The following SASH1 variants were observed in gnomAD, a reference collection of about 807,000 sequenced individuals.
SASH1 encodes the protein SAM and SH3 domain-containing protein 1.
Under a neutral mutation model 125.2 loss-of-function variants are expected in SASH1, and 44 were observed. That is an observed-to-expected ratio of 0.35 (90% CI 0.28 to 0.45). The LOEUF (loss-of-function observed/expected upper bound fraction) is 0.45, where lower values mean the gene tolerates loss of function less well. Among genes scored for constraint, SASH1 ranks in the 20% least tolerant of loss-of-function variants. The probability of loss-of-function intolerance (pLI) is 1.00; values close to 1 mark genes in which losing one functional copy is unlikely to be tolerated. For synonymous variants in SASH1, 639 were observed against 649.1 expected, an observed-to-expected ratio of 0.98 and a Z score of 0.24; for missense variants, 1,426 against 1,614.5, an observed-to-expected ratio of 0.88 and a Z score of 2.00.
the SASH1 span, among the ~76,000 whole-genome samples, chr6:148,227,445 C>T: frequency 6.6e-6 from 1 of 152,154 alleles, no homozygotes; most frequent in Non-Finnish European, 1.5e-5. Flanking sequence ...GCAACCTCCG[C>T]CTCCCGAGTT....
chr6:148,321,224 T>C (rs926831479), intron 1 of SASH1, among the ~76,000 whole-genome samples: 10 of 122,754 alleles, frequency 8.1e-5, no homozygotes, highest in Middle Eastern at 5.4e-3. Context: ...AAACACCATC[T>C]CTACTAAATA....
the SASH1 span, among the ~76,000 whole-genome samples, chr6:148,216,182 C>A: frequency 6.6e-6 from 1 of 152,264 alleles, no homozygotes; most frequent in East Asian, 1.9e-4. Flanking sequence ...ACCAGCAATA[C>A]CTTCTAATAT....
chr6:148,492,910 C>T (rs1264652366), intron 8 of SASH1, among the ~76,000 whole-genome samples: 1 of 151,732 alleles, frequency 6.6e-6, no homozygotes, highest in Non-Finnish European at 1.5e-5. Context: ...ATTTGAGATG[C>T]CATATACACA....
intron 7 of SASH1, among the ~76,000 whole-genome samples, chr6:148,484,475 ACTT>A (rs1270892983): frequency 2.0e-5 from 3 of 152,150 alleles, no homozygotes; most frequent in Non-Finnish European, 4.4e-5. Context: ...TTAAACCAAA[ACTT>A]CTCGAACCAA....
intron 1 of SASH1, among the ~76,000 whole-genome samples, chr6:148,344,000 A>G (rs1781433743): frequency 6.6e-6 from 1 of 152,218 alleles, no homozygotes; most frequent in Admixed American, 6.5e-5. Flanking sequence ...ACTTTAGTTT[A>G]AAGACTTGGA....
intron 4 of SASH1, among the ~76,000 whole-genome samples, chr6:148,448,506 G>T (rs150691663): frequency 2.7e-3 from 404 of 152,102 alleles, no homozygotes; most frequent in Middle Eastern, 0.01. Flanking sequence ...ACTTTTCCCC[G>T]GGTCACACTT....
chr6:148,364,086 G>C (rs781702735), intron 1 of SASH1, among the ~76,000 whole-genome samples: 1 of 151,834 alleles, frequency 6.6e-6, no homozygotes, highest in Non-Finnish European at 1.5e-5. Flanking sequence ...CCAGCTCATC[G>C]GCAGCCCATC....
At chr6:148,201,405 C>T in the SASH1 span, among the ~76,000 whole-genome samples, 2 of 152,168 alleles carry the variant, frequency 1.3e-5, no homozygotes, top group Non-Finnish European at 2.9e-5. Flanking sequence ...GATTCTCAAG[C>T]TTGTCCCTGC....
At chr6:148,276,600 G>A (rs532714088) in intron 1 of SASH1, among the ~76,000 whole-genome samples, 14 of 152,282 alleles carry the variant, frequency 9.2e-5, no homozygotes, top group South Asian at 2.1e-4. Flanking sequence ...AAAAGGGAGC[G>A]GATGATGAGA....
intron 1 of SASH1, among the ~76,000 whole-genome samples, chr6:148,372,104 C>T (rs1782726387): frequency 6.6e-6 from 1 of 152,166 alleles, no homozygotes; most frequent in African/African-American, 2.4e-5. Flanking sequence ...ATTGCAGTTA[C>T]ATAAGGAAGC....
chr6:148,383,233 A>C (rs1783223017), intron 1 of SASH1, among the ~76,000 whole-genome samples: 1 of 152,202 alleles, frequency 6.6e-6, no homozygotes, highest in East Asian at 1.9e-4. Flanking sequence ...ATCTTTAAAC[A>C]AGCTAATTAA....
chr6:148,385,894 A>G (rs1783346831), intron 1 of SASH1, among the ~76,000 whole-genome samples: 1 of 152,178 alleles, frequency 6.6e-6, no homozygotes, highest in South Asian at 2.1e-4. Flanking sequence ...AAATGTAAGT[A>G]TAGTGTTTCC....
chr6:148,442,397 G>GA (rs1459586914), intron 4 of SASH1, among the ~76,000 whole-genome samples: 2 of 152,082 alleles, frequency 1.3e-5, no homozygotes, highest in South Asian at 4.2e-4. Flanking sequence ...CATCTCAAAA[G>GA]AAAAAAATAT....
chr6:148,421,227 G>GA (rs1215052788), intron 2 of SASH1, among the ~76,000 whole-genome samples: 1 of 151,540 alleles, frequency 6.6e-6, no homozygotes, highest in Non-Finnish European at 1.5e-5. Context: ...AAGAAAGAAA[G>GA]AAGGAAGTGA....
chr6:148,463,332 A>G (rs1777702243), intron 4 of SASH1, among the ~76,000 whole-genome samples: 1 of 152,148 alleles, frequency 6.6e-6, no homozygotes, highest in African/African-American at 2.4e-5. Flanking sequence ...TTTAGTAGAC[A>G]TGGGGTTTCA....
intron 2 of SASH1, among the ~76,000 whole-genome samples, chr6:148,409,709 G>T (rs1394007650): frequency 6.6e-6 from 1 of 152,218 alleles, no homozygotes; most frequent in African/African-American, 2.4e-5. Context: ...GCCTAGGTGG[G>T]CGGATCATGA....
At chr6:148,455,763 C>G (rs1268218541) in intron 4 of SASH1, among the ~76,000 whole-genome samples, 1 of 152,174 alleles carries the variant, frequency 6.6e-6, no homozygotes, top group African/African-American at 2.4e-5. Flanking sequence ...GCTGGCTGGA[C>G]GCAGATTCAG....
intron 1 of SASH1, among the ~76,000 whole-genome samples, chr6:148,363,467 T>A (rs1385107190): frequency 6.6e-6 from 1 of 151,900 alleles, no homozygotes; most frequent in East Asian, 1.9e-4. Context: ...AGTGGCACGA[T>A]CTTCGCTCAC....
chr6:148,477,651 G>A (rs957284383), intron 7 of SASH1, among the ~76,000 whole-genome samples: 5 of 150,408 alleles, frequency 3.3e-5, no homozygotes, highest in African/African-American at 9.8e-5. Flanking sequence ...TCGGCGTCCC[G>A]AATAGCTGGG....
Sources: allele counts gnomAD v4.1 joint callset (sites outside exome capture counted in the v4.1 genomes callset), GRCh38; gene constraint gnomAD v4.1.1; transcripts MANE v1.5; gene names NCBI Gene and HGNC (gene_info 2026-07-23, HGNC 2026-07-21).